USP10: variants seen among roughly 807,000 people sequenced by gnomAD.
USP10 encodes ubiquitin specific peptidase 10, also known as ubiquitin carboxyl-terminal hydrolase 10.
USP10 carries 22 observed loss-of-function variants against 84.5 expected under a neutral mutation model. That is an observed-to-expected ratio of 0.26 (90% confidence interval 0.19 to 0.37). The LOEUF is 0.37. USP10 is among the 10% of genes least tolerant of loss of function. The probability of loss-of-function intolerance (pLI) is 1.00; values close to 1 mark genes in which losing one functional copy is unlikely to be tolerated. For synonymous variants in USP10, 454 were observed against 387.6 expected, an observed-to-expected ratio of 1.17 and a Z score of -2.01; for missense variants, 1,019 against 998.9, an observed-to-expected ratio of 1.02 and a Z score of -0.27.
At chr16:84,741,934 G>C (rs952519795) in intron 3 of USP10, among the ~76,000 whole-genome samples, 1 of 152,168 alleles carries the variant, frequency 6.6e-6, no homozygotes, top group African/African-American at 2.4e-5. Flanking sequence ...TAAGCCCTCA[G>C]TACATTTGTT....
At chr16:84,727,630 A>G (rs1169394980) in intron 1 of USP10, among the ~76,000 whole-genome samples, 1 of 152,244 alleles carries the variant, frequency 6.6e-6, no homozygotes, top group East Asian at 1.9e-4. Flanking sequence ...TGTGTGCTGG[A>G]ATTCTCTGTC....
chr16:84,729,803 T>C (rs1261837569), intron 1 of USP10, among the ~76,000 whole-genome samples: 1 of 152,210 alleles, frequency 6.6e-6, no homozygotes, highest in Non-Finnish European at 1.5e-5. Flanking sequence ...GGAAATTAAG[T>C]TGGAGTTCAA....
In USP10 at chr16:84,724,653, A is replaced by G. The variant is rs144555988; in HGVS notation, c.22-8782A>G. Among the ~76,000 whole-genome samples, 167 of 152,330 alleles carry G rather than the reference A, an allele frequency of 1.1e-3. 1 individual carries two copies. The highest frequency in any genetic ancestry group is 3.6e-3 in the African/African-American group (151 of 41,566). On this transcript the variant is annotated intron_variant, in intron 1 of 13. Coordinates refer to ENST00000219473, the MANE Select transcript of USP10 (RefSeq NM_005153.3). ...CCTTCTTCCTTTGTCTGCTTCTGCC[A>G]TTTGTAACACTTAGTTCAGCTTGCA...
In USP10 at chr16:84,714,847, A is replaced by C. The variant is rs567227924; in HGVS notation, c.21+14736A>C. Reference sequence around the variant, plus strand: ...ATATTTAAAACATGAATTTTTTTAAATTTTAAAAGTAATATCAAAAACAAG... The same window carrying C: ...ATATTTAAAACATGAATTTTTTTAACTTTTAAAAGTAATATCAAAAACAAG... On this transcript the variant is annotated intron_variant, in intron 1 of 13. Coordinates refer to ENST00000219473, the MANE Select transcript of USP10 (RefSeq NM_005153.3). 1.7e-3 allele frequency among the ~76,000 whole-genome samples: 264 copies of C among 151,798 alleles called. 1 individual carries two copies. Among genetic ancestry groups the C allele is most frequent in the African/African-American group, 6.1e-3 (254 of 41,480 alleles).
In USP10 at chr16:84,744,916, A is replaced by G. The variant is rs545148341; in HGVS notation, c.435A>G (p.Gly145=). 65 of 1,613,790 alleles carry G rather than the reference A, an allele frequency of 4.0e-5. No homozygotes were observed. The highest frequency in any genetic ancestry group is 1.7e-4 in the Middle Eastern group (1 of 6,054). Residue 145 remains glycine (G), a synonymous_variant, in exon 4 of 14, where the codon GGA becomes GGG. Transcript: ENST00000219473. Reference sequence around the variant, plus strand: ...ATGATGGTGTCTCAGGTGGTCTTGGACAAAGGGAGCGTAAAAAGAAGAAAA... The same window carrying G: ...ATGATGGTGTCTCAGGTGGTCTTGGGCAAAGGGAGCGTAAAAAGAAGAAAA... ...LENDGVSGGL[G]QRERKKKKKR...
intron 2 of USP10, among the ~76,000 whole-genome samples, chr16:84,739,811 C>G (rs1910412382): frequency 1.3e-5 from 2 of 152,186 alleles, no homozygotes; most frequent in African/African-American, 4.8e-5. Flanking sequence ...GCTGCAGTCA[C>G]CAGGCTTTTT....
intron 9 of USP10, 32 bp downstream of exon 9, chr16:84,763,120 G>A: frequency 6.9e-7 from 1 of 1,453,304 alleles, no homozygotes; most frequent in African/African-American, 1.4e-5. Context: ...GCAGAGTTGT[G>A]CAAGAGTTCG....
At chr16:84,765,422 A>G (rs1913742128) in intron 10 of USP10, among the ~76,000 whole-genome samples, 4 of 149,562 alleles carry the variant, frequency 2.7e-5, no homozygotes, top group African/African-American at 7.4e-5. Context: ...GACATCTTCC[A>G]TTCCCACTCG....
chr16:84,762,939 C>T (rs756919470), intron 8 of USP10, 50 bp from the exon 9 acceptor site: 2 of 1,223,812 alleles, frequency 1.6e-6, no homozygotes, highest in African/African-American at 3.0e-5. Context: ...TCCTGCAGGC[C>T]TTTGACAGTG....
At chr16:84,713,468 A>G (rs1205261792) in intron 1 of USP10, among the ~76,000 whole-genome samples, 2 of 151,920 alleles carry the variant, frequency 1.3e-5, no homozygotes, top group African/African-American at 4.8e-5. Flanking sequence ...CATACCCGCT[A>G]TCCTGACGTG....
intron 5 of USP10, among the ~76,000 whole-genome samples, chr16:84,759,124 T>G (rs1029798012): frequency 1.3e-5 from 2 of 152,246 alleles, no homozygotes; most frequent in African/African-American, 4.8e-5. Context: ...TTGAACTGTC[T>G]TGGTTAGGTC....
In USP10 at chr16:84,745,561, G is replaced by A; in HGVS notation, c.1080G>A (p.Val360=). 6.2e-7 allele frequency: 1 copy of A among 1,611,244 alleles called. No individual in the cohort carries two copies. Among genetic ancestry groups the A allele is most frequent in the Non-Finnish European group, 8.5e-7 (1 of 1,178,572 alleles). Residue 360 remains valine (V), a synonymous_variant, in exon 4 of 14, where the codon GTG becomes GTA. Transcript: ENST00000219473. ...KPSSSSPVAY[V]ETKYSPPAIS... is the part of the protein sequence containing the mutation. ...CTTCCTCCTCGCCGGTGGCCTATGTGGAAACTAAGTATTCCCCTCCCGCCA... is the reference window on the plus strand; with the variant it reads ...CTTCCTCCTCGCCGGTGGCCTATGTAGAAACTAAGTATTCCCCTCCCGCCA...
chr16:84,742,153 T>C (rs1910700850), intron 3 of USP10, among the ~76,000 whole-genome samples: 1 of 152,226 alleles, frequency 6.6e-6, no homozygotes, highest in South Asian at 2.1e-4. Context: ...CATACAGGCA[T>C]ACAACAAGTA....
chr16:84,772,990 T>C (rs1914612803), intron 12 of USP10, among the ~76,000 whole-genome samples: 2 of 152,210 alleles, frequency 1.3e-5, no homozygotes, highest in South Asian at 4.1e-4. Context: ...TGGTGCAGTT[T>C]GCCTTCCACC....
chr16:84,775,066 T>C lies in USP10; in HGVS notation c.2144-94T>C, dbSNP rs936831882. The stretch of plus-strand genomic sequence containing the variant: ...TTTGTTCCTGGTCTGACAGGCAGTT[T>C]ACTTGCTGGGGAGAATGTTGTTAGC... On this transcript the variant is annotated intron_variant, in intron 12 of 13. Transcript: ENST00000219473. 1.3e-5 allele frequency: 14 copies of C among 1,076,192 alleles called. No homozygotes were observed. The African/African-American group carries it at 1.7e-4, about 13-fold the overall frequency. 66.7% of individuals were successfully genotyped at this position (1,076,192 alleles called of 1,614,324 possible). A position where few individuals can be genotyped will look rare whatever the true frequency, so the allele number is the denominator to read the frequency against.
At chr16:84,755,002 A>AAGG (rs1912363546) in intron 4 of USP10, among the ~76,000 whole-genome samples, 1 of 148,586 alleles carries the variant, frequency 6.7e-6, no homozygotes. Context: ...AAAAAAAAAA[A>AAGG]GGAGCTGTGT....
At chr16:84,760,719 C>G (rs948315223) in intron 8 of USP10, among the ~76,000 whole-genome samples, 3 of 152,030 alleles carry the variant, frequency 2.0e-5, no homozygotes, top group Non-Finnish European at 4.4e-5. Flanking sequence ...GATTCCTTTA[C>G]CTAATTTTTT....
At chr16:84,740,410 C>A in intron 3 of USP10, 41 bp downstream of exon 3, 1 of 1,562,198 alleles carries the variant, frequency 6.4e-7, no homozygotes, top group Non-Finnish European at 8.8e-7. Flanking sequence ...GGGAATTTGG[C>A]CATACGTGCT....
chr16:84,757,965 T>G (rs985027726), intron 4 of USP10, among the ~76,000 whole-genome samples: 5 of 152,200 alleles, frequency 3.3e-5, no homozygotes, highest in South Asian at 2.1e-4. Context: ...ATTAGAAGAT[T>G]CATAGTGGGA....
Sources: allele counts gnomAD v4.1 joint callset (sites outside exome capture counted in the v4.1 genomes callset), GRCh38; gene constraint gnomAD v4.1.1; transcripts MANE v1.5; gene names NCBI Gene and HGNC (gene_info 2026-07-23, HGNC 2026-07-21).